The following BMPR1B variants were observed in gnomAD, a reference collection of about 807,000 sequenced individuals.
BMPR1B encodes the protein bone morphogenetic protein receptor type-1B.
A neutral mutation model predicts 59.1 loss-of-function variants in BMPR1B; 12 were observed. That is an observed-to-expected ratio of 0.20 (90% confidence interval 0.13 to 0.33). The LOEUF is 0.33. BMPR1B is among the 10% of genes least tolerant of loss of function. The pLI is 1.00. For missense variants in BMPR1B, 550 were observed against 610.9 expected (o/e 0.90, Z 1.05); for synonymous variants, 237 against 207.3 (o/e 1.14, Z -1.23).
chr4:94,888,577 G>A (rs1420697187), intron 2 of BMPR1B, among the ~76,000 whole-genome samples: 1 of 151,892 alleles, frequency 6.6e-6, no homozygotes, highest in Non-Finnish European at 1.5e-5. Context: ...ATAAGAGTTG[G>A]GTGCTGATAT....
chr4:94,846,773 C>T (rs1274446528), intron 1 of BMPR1B, among the ~76,000 whole-genome samples: 1 of 151,496 alleles, frequency 6.6e-6, no homozygotes, highest in Admixed American at 6.6e-5. Flanking sequence ...CTAGAGAACC[C>T]TAATACAGTA....
At chr4:94,965,239 A>G (rs1034792441) in intron 2 of BMPR1B, among the ~76,000 whole-genome samples, 3 of 152,124 alleles carry the variant, frequency 2.0e-5, no homozygotes, top group Non-Finnish European at 2.9e-5. Context: ...TATATATTCT[A>G]TTGGAACACT....
chr4:95,079,408 A>G (rs1190846987), intron 3 of BMPR1B, among the ~76,000 whole-genome samples: 2 of 152,028 alleles, frequency 1.3e-5, no homozygotes, highest in Non-Finnish European at 2.9e-5. Context: ...TCTTGCTCTC[A>G]TGCAGTTTAT....
At chr4:95,076,840 T>A (rs556542275) in intron 3 of BMPR1B, among the ~76,000 whole-genome samples, 1 of 152,050 alleles carries the variant, frequency 6.6e-6, no homozygotes, top group Non-Finnish European at 1.5e-5. Flanking sequence ...AAAAACATGG[T>A]ACATCTAATT....
chr4:95,049,376 G>A (rs1055065994), intron 3 of BMPR1B, among the ~76,000 whole-genome samples: 1 of 140,188 alleles, frequency 7.1e-6, no homozygotes, highest in African/African-American at 2.7e-5. Context: ...AGCCTGCCAA[G>A]TAGCTGGGAT....
intron 2 of BMPR1B, among the ~76,000 whole-genome samples, chr4:94,886,245 C>G (rs1474736958): frequency 6.6e-6 from 1 of 152,110 alleles, no homozygotes; most frequent in Non-Finnish European, 1.5e-5. Flanking sequence ...ATTAAAAAGA[C>G]TATTACAATT....
Position 94,793,408 on chromosome 4 carries a change from A to G in BMPR1B, c.-183+35340A>G, listed in dbSNP as rs1441598545. ...TATATGTGCCACATTTTCTTAATCC[A>G]GTCTATCATTGTTGGACATTTGGGT... is the stretch of plus-strand genomic sequence containing the variant. On this transcript the variant is annotated intron_variant, in intron 1 of 12. Transcript: ENST00000515059. 1.3e-4 allele frequency among the ~76,000 whole-genome samples: 19 copies of G among 151,350 alleles called. No individual in the cohort carries two copies. In the South Asian group the frequency reaches 4.0e-3, roughly 32 times the overall value.
intron 2 of BMPR1B, among the ~76,000 whole-genome samples, chr4:94,977,113 A>T (rs1259214669): frequency 2.0e-5 from 3 of 152,156 alleles, no homozygotes; most frequent in African/African-American, 7.2e-5. Flanking sequence ...CTACCCCATT[A>T]GCAAAAGCCA....
chr4:94,762,382 G>T (rs970965260), intron 1 of BMPR1B, among the ~76,000 whole-genome samples: 1 of 152,112 alleles, frequency 6.6e-6, no homozygotes, highest in Non-Finnish European at 1.5e-5. Context: ...ATGTGACTGG[G>T]CTATTTTATA....
chr4:94,879,801 A>C (rs1269838867), intron 2 of BMPR1B, among the ~76,000 whole-genome samples: 1 of 152,144 alleles, frequency 6.6e-6, no homozygotes, highest in African/African-American at 2.4e-5. Flanking sequence ...TGGTGTGCAT[A>C]TGGGCAAGAC....
intron 3 of BMPR1B, among the ~76,000 whole-genome samples, chr4:95,027,890 T>C (rs973451581): frequency 2.6e-5 from 4 of 152,300 alleles, no homozygotes; most frequent in African/African-American, 9.6e-5. Context: ...GATCACCTTG[T>C]AGAGGTAAGC....
chr4:94,968,760 G>GGTA (rs1288848742), intron 2 of BMPR1B, among the ~76,000 whole-genome samples: 1 of 151,990 alleles, frequency 6.6e-6, no homozygotes, highest in Non-Finnish European at 1.5e-5. Flanking sequence ...TTTTACCATT[G>GGTA]GTAGCATTGT....
chr4:95,136,157 G>A (rs1024195291), intron 10 of BMPR1B, among the ~76,000 whole-genome samples: 1 of 151,950 alleles, frequency 6.6e-6, no homozygotes, highest in Non-Finnish European at 1.5e-5. Flanking sequence ...ATAATTAATA[G>A]CCTACCAACC....
chr4:94,993,299 A>C (rs570615032), intron 2 of BMPR1B, among the ~76,000 whole-genome samples: 1 of 152,276 alleles, frequency 6.6e-6, no homozygotes, highest in East Asian at 1.9e-4. Context: ...ACTCTTTATT[A>C]ATATTGATCT....
chr4:94,908,036 G>A (rs1705152108), intron 2 of BMPR1B, among the ~76,000 whole-genome samples: 1 of 126,520 alleles, frequency 7.9e-6, no homozygotes, highest in Non-Finnish European at 1.6e-5. Context: ...CCTCCAACAT[G>A]GGCAATGCAG....
At chr4:94,850,160 AT>A in intron 1 of BMPR1B, among the ~76,000 whole-genome samples, 1 of 151,990 alleles carries the variant, frequency 6.6e-6, no homozygotes, top group South Asian at 2.1e-4. Context: ...TCCTGACTTC[AT>A]TTTTTTAATC....
At chr4:94,930,309 C>G (rs1327247311) in intron 2 of BMPR1B, among the ~76,000 whole-genome samples, 1 of 152,092 alleles carries the variant, frequency 6.6e-6, no homozygotes, top group Non-Finnish European at 1.5e-5. Context: ...TGTCACCACA[C>G]ATTCCATGAT....
intron 3 of BMPR1B, among the ~76,000 whole-genome samples, chr4:95,073,029 C>A (rs1403352891): frequency 1.3e-5 from 2 of 152,092 alleles, no homozygotes; most frequent in Non-Finnish European, 1.5e-5. Flanking sequence ...ACAGTTGAGT[C>A]TTTTATGAAG....
intron 2 of BMPR1B, among the ~76,000 whole-genome samples, chr4:94,900,048 G>A (rs961454305): frequency 3.9e-4 from 59 of 151,890 alleles, no homozygotes; most frequent in African/African-American, 1.4e-3. Flanking sequence ...GAAAAGGCAA[G>A]GGTTAGAAAT....
Sources: allele counts gnomAD v4.1 joint callset (sites outside exome capture counted in the v4.1 genomes callset), GRCh38; gene constraint gnomAD v4.1.1; transcripts MANE v1.5; gene names NCBI Gene and HGNC (gene_info 2026-07-23, HGNC 2026-07-21).